The following MGAT5 variants were observed in gnomAD, a reference collection of about 807,000 sequenced individuals.
The protein encoded by MGAT5 is alpha-1,6-mannosylglycoprotein 6-beta-N-acetylglucosaminyltransferase.
In MGAT5, 30 loss-of-function variants were observed where a neutral mutation model predicts 94.3. That is an observed-to-expected ratio of 0.32 (90% confidence interval 0.24 to 0.43). The LOEUF is 0.43. Ranked by LOEUF, MGAT5 falls within the 20% of genes least tolerant of loss-of-function variation. MGAT5 has a pLI of 1.00. For missense variants in MGAT5, 691 were observed against 905.5 expected (o/e 0.76, Z 3.04); for synonymous variants, 310 against 322.9 (o/e 0.96, Z 0.43).
At chr2:134,284,848 C>T (rs16830323) in intron 2 of MGAT5, among the ~76,000 whole-genome samples, 1,772 of 152,182 alleles carry the variant, frequency 0.012, 21 homozygotes, top group African/African-American at 0.04. Flanking sequence ...GTGCATCACA[C>T]CAGAAGGTCA....
In MGAT5 at chr2:134,452,240, C is replaced by T. The variant is rs1225042114; in HGVS notation, c.*3393C>T. 3 of 152,162 alleles carry T rather than the reference C, an allele frequency of 2.0e-5. No individual in the cohort carries two copies. Among genetic ancestry groups the T allele is most frequent in the African/African-American group, 7.2e-5 (3 of 41,416 alleles). The allele number at this position is 152,162 out of a possible 1,614,324, so 9.4% of individuals were successfully genotyped here. On this transcript the variant is annotated 3_prime_UTR_variant, in exon 16 of 16. Transcript: ENST00000281923. ...GAGAACCTCAAGAAAGGGCTGGATT[C>T]TGCCATACCTTTGGGTCTACCTTGG... is the stretch of plus-strand genomic sequence containing the variant.
rs1012709085 is a variant in MGAT5 at position 134,450,267 on chromosome 2, C to T, written c.*1420C>T. ...CCTAATGTGAGCGGTTGGCGTCCTC[C>T]ACTTGGCCTCTGCTGGGCGCCTCAG... On this transcript the variant is annotated 3_prime_UTR_variant, in exon 16 of 16. Transcript: ENST00000281923. 3 of 152,294 alleles carry T rather than the reference C, an allele frequency of 2.0e-5. No individual in the cohort carries two copies. The highest frequency in any genetic ancestry group is 7.2e-5 in the African/African-American group (3 of 41,474). The allele number at this position is 152,294 out of a possible 1,614,324, so 9.4% of individuals were successfully genotyped here.
intron 7 of MGAT5, among the ~76,000 whole-genome samples, chr2:134,344,619 G>A (rs906636989): frequency 6.6e-6 from 1 of 152,156 alleles, no homozygotes; most frequent in Non-Finnish European, 1.5e-5. Flanking sequence ...GAGATTGAGA[G>A]AGGTTAGGTA....
chr2:134,280,032 GA>G lies in MGAT5; in HGVS notation c.406+9483del, dbSNP rs201051091. On this transcript the variant is annotated intron_variant, in intron 2 of 15. Transcript: ENST00000281923. ...TTTGAAAAGGTTTTGTAGGTTTGAAGATTTCTGGGGTTTTGAGAGATTTTCC... is the reference window on the plus strand; with the variant it reads ...TTTGAAAAGGTTTTGTAGGTTTGAAGTTTCTGGGGTTTTGAGAGATTTTCC... Among the ~76,000 whole-genome samples the G allele has an allele frequency of 2.3e-3, 354 of 152,282 alleles. 5 individuals carry two copies. The highest frequency in any genetic ancestry group is 0.017 in the East Asian group (88 of 5,186).
At chr2:134,433,004 A>G (rs1684968320) in intron 14 of MGAT5, among the ~76,000 whole-genome samples, 1 of 152,118 alleles carries the variant, frequency 6.6e-6, no homozygotes, top group African/African-American at 2.4e-5. Context: ...GCAAATTGGT[A>G]GTGTTACACA....
At chr2:134,183,632 C>T (rs1252752339) in intron 1 of MGAT5, among the ~76,000 whole-genome samples, 1 of 152,208 alleles carries the variant, frequency 6.6e-6, no homozygotes, top group Non-Finnish European at 1.5e-5. Context: ...AATTGCCCTT[C>T]ATGCCATGGG....
chr2:134,233,979 C>A (rs951108965), intron 1 of MGAT5, among the ~76,000 whole-genome samples: 1 of 152,226 alleles, frequency 6.6e-6, no homozygotes, highest in Admixed American at 6.5e-5. Context: ...TCTTTCACAG[C>A]TGAGAAGCTG....
chr2:134,141,026 G>A (rs369738638), intron 1 of MGAT5, among the ~76,000 whole-genome samples: 14 of 152,294 alleles, frequency 9.2e-5, no homozygotes, highest in African/African-American at 1.9e-4. Context: ...CTTTAAAAAC[G>A]GGAAGATCAT....
At chr2:134,244,932 A>C (rs1682156587) in intron 1 of MGAT5, among the ~76,000 whole-genome samples, 1 of 152,182 alleles carries the variant, frequency 6.6e-6, no homozygotes, top group Admixed American at 6.5e-5. Context: ...CAGTTGTGCA[A>C]AGATTGAGAA....
At chr2:134,391,912 C>T (rs142812312) in intron 10 of MGAT5, among the ~76,000 whole-genome samples, 22 of 152,292 alleles carry the variant, frequency 1.4e-4, no homozygotes, top group Non-Finnish European at 2.4e-4. Flanking sequence ...GTGGGTGAAA[C>T]CACTTCCCAA....
intron 1 of MGAT5, among the ~76,000 whole-genome samples, chr2:134,159,188 CGTGT>C (rs138643972): frequency 0.019 from 2,801 of 144,092 alleles, 61 homozygotes; most frequent in East Asian, 0.056. Context: ...GGTCTAAATT[CGTGT>C]GTGTGTGTGT....
intron 1 of MGAT5, among the ~76,000 whole-genome samples, chr2:134,187,488 C>T (rs892892407): frequency 6.6e-6 from 1 of 152,194 alleles, no homozygotes; most frequent in Non-Finnish European, 1.5e-5. Context: ...TCCAGCCACA[C>T]ACGTTGTCTT....
chr2:134,376,579 T>C (rs1300374564), intron 10 of MGAT5, among the ~76,000 whole-genome samples: 1 of 152,192 alleles, frequency 6.6e-6, no homozygotes, highest in East Asian at 1.9e-4. Context: ...GACCAGATAC[T>C]CATTCCTCCT....
At chr2:134,441,184 C>T (rs1283233158) in intron 14 of MGAT5, among the ~76,000 whole-genome samples, 1 of 152,186 alleles carries the variant, frequency 6.6e-6, no homozygotes, top group African/African-American at 2.4e-5. Context: ...GACACAGCAC[C>T]ATATGAGGTG....
At chr2:134,331,544 T>C (rs1053465020) in intron 4 of MGAT5, among the ~76,000 whole-genome samples, 1 of 152,080 alleles carries the variant, frequency 6.6e-6, no homozygotes, top group African/African-American at 2.4e-5. Flanking sequence ...GACTGTCCAG[T>C]CCCTTCCCTG....
chr2:134,329,625 C>T (rs1210254752), intron 4 of MGAT5, among the ~76,000 whole-genome samples: 1 of 152,052 alleles, frequency 6.6e-6, no homozygotes, highest in Non-Finnish European at 1.5e-5. Context: ...CCATCTTTAG[C>T]TGTATCTAGT....
intron 2 of MGAT5, among the ~76,000 whole-genome samples, chr2:134,290,626 C>T (rs1472070785): frequency 6.6e-6 from 1 of 152,208 alleles, no homozygotes. Flanking sequence ...TTTTACTTTA[C>T]AAGGGGTGCT....
chr2:134,171,237 A>G (rs1018224352), intron 1 of MGAT5, among the ~76,000 whole-genome samples: 1 of 152,228 alleles, frequency 6.6e-6, no homozygotes, highest in South Asian at 2.1e-4. Context: ...CAAGGAATCT[A>G]TTTGAAAAAA....
chr2:134,350,728 C>T (rs75922185), intron 9 of MGAT5, among the ~76,000 whole-genome samples: 4,597 of 152,208 alleles, frequency 0.03, 92 homozygotes, highest in Middle Eastern at 0.061. Flanking sequence ...GTACCAAAAA[C>T]GAATTTATTT....
Sources: gnomAD v4.1 joint callset for allele counts (sites outside exome capture counted in the v4.1 genomes callset) on GRCh38, gnomAD v4.1.1 for gene constraint, MANE v1.5 for transcripts, NCBI Gene and HGNC (gene_info 2026-07-23, HGNC 2026-07-21) for gene names.